Variants in TMEM260 observed in about 807,000 individuals in gnomAD.
The protein encoded by TMEM260 is transmembrane protein 260.
A neutral mutation model predicts 88.9 loss-of-function variants in TMEM260; 82 were observed. That is an observed-to-expected ratio of 0.92 (90% confidence interval 0.77 to 1.11). TMEM260 has a LOEUF of 1.11. TMEM260 is among the 50% of genes least tolerant of loss of function. The pLI is 0.00. For missense variants in TMEM260, 902 were observed against 853.4 expected, an observed-to-expected ratio of 1.06 and a Z score of -0.71; for synonymous variants, 314 against 309.3, an observed-to-expected ratio of 1.02 and a Z score of -0.16.
At chr14:56,636,419 T>TATCA (rs1889080158) in intron 14 of TMEM260, 89 bp from the exon 15 acceptor site, 1 of 977,608 alleles carries the variant, frequency 1.0e-6, no homozygotes, top group Non-Finnish European at 1.6e-6. Context: ...GTACATCCCT[T>TATCA]ATCAGTGGAG....
chr14:56,582,562 G>A (rs780058938), intron 1 of TMEM260, among the ~76,000 whole-genome samples: 22 of 152,134 alleles, frequency 1.4e-4, no homozygotes, highest in Non-Finnish European at 2.6e-4. Context: ...CAACAAAGCC[G>A]TGGTTCTCAG....
intron 7 of TMEM260, chr14:56,615,701 G>T: frequency 2.2e-6 from 1 of 454,556 alleles, no homozygotes; most frequent in Non-Finnish European, 3.9e-6. Context: ...AGAATTATTT[G>T]TTCTGATCCT....
chr14:56,588,780 A>C (rs74052017), intron 3 of TMEM260, among the ~76,000 whole-genome samples: 1 of 152,100 alleles, frequency 6.6e-6, no homozygotes, highest in Admixed American at 6.5e-5. Context: ...AATCTAGTAC[A>C]TTTCATTTAT....
At chr14:56,644,666 C>A (rs1199606711) in intron 15 of TMEM260, among the ~76,000 whole-genome samples, 1 of 152,158 alleles carries the variant, frequency 6.6e-6, no homozygotes, top group African/African-American at 2.4e-5. Context: ...TCTAATTAAA[C>A]TTAAGAGCTT....
intron 1 of TMEM260, among the ~76,000 whole-genome samples, chr14:56,580,526 A>G (rs997799433): frequency 6.6e-6 from 1 of 152,194 alleles, no homozygotes; most frequent in South Asian, 2.1e-4. Context: ...GTGATAAGTT[A>G]TGGAGACAGT....
chr14:56,622,752 A>G lies in TMEM260; in HGVS notation c.1398+1050A>G, dbSNP rs375763988. ...TTAAAAGAATAATATGATGAATTCAATTGAACAAATTATTAGGCATAGTAC... is the reference window on the plus strand; with the variant it reads ...TTAAAAGAATAATATGATGAATTCAGTTGAACAAATTATTAGGCATAGTAC... On this transcript the variant is annotated intron_variant, in intron 11 of 15. Transcript: ENST00000261556. 1.8e-4 allele frequency among the ~76,000 whole-genome samples: 27 copies of G among 152,356 alleles called. No individual in the cohort carries two copies. The East Asian group carries it at 2.7e-3, about 15-fold the overall frequency.
At chr14:56,580,955 C>T (rs1290253837) in intron 1 of TMEM260, among the ~76,000 whole-genome samples, 3 of 152,294 alleles carry the variant, frequency 2.0e-5, no homozygotes, top group East Asian at 3.9e-4. Flanking sequence ...TATCGTCTCC[C>T]GTTTTTGTAA....
At chr14:56,621,183 A>AT (rs1887893904) in intron 10 of TMEM260, among the ~76,000 whole-genome samples, 1 of 152,230 alleles carries the variant, frequency 6.6e-6, no homozygotes, top group Admixed American at 6.5e-5. Context: ...TGAACATAAA[A>AT]TTGCCTTAAA....
At chr14:56,656,595 AAT>A in the TMEM260 span, among the ~76,000 whole-genome samples, 4 of 152,176 alleles carry the variant, frequency 2.6e-5, no homozygotes, top group Admixed American at 2.0e-4. Context: ...TGTTTTCATT[AAT>A]ATGTCAGTAA....
At chr14:56,649,595 T>C (rs145093240), downstream of TMEM260, 343 of 152,930 alleles carry the variant, frequency 2.2e-3, 3 homozygotes, top group African/African-American at 7.8e-3. Flanking sequence ...TATACACAGA[T>C]ATGTGAATAT....
intron 15 of TMEM260, among the ~76,000 whole-genome samples, chr14:56,643,359 G>A (rs1430912146): frequency 4.6e-5 from 7 of 152,190 alleles, no homozygotes; most frequent in South Asian, 2.1e-4. Flanking sequence ...TTCAACATAC[G>A]CAAATCAATC....
At chr14:56,628,837 A>G (rs1227292997) in intron 12 of TMEM260, among the ~76,000 whole-genome samples, 1 of 151,234 alleles carries the variant, frequency 6.6e-6, no homozygotes, top group Non-Finnish European at 1.5e-5. Flanking sequence ...ATAAATATTG[A>G]TATGTTTAGA....
chr14:56,592,765 A>G (rs777188158), intron 3 of TMEM260, among the ~76,000 whole-genome samples: 7 of 152,198 alleles, frequency 4.6e-5, no homozygotes, highest in Non-Finnish European at 2.9e-5. Context: ...TTATTAAACA[A>G]TAACGTTCAG....
intron 11 of TMEM260, among the ~76,000 whole-genome samples, chr14:56,622,991 A>G (rs1888028121): frequency 6.6e-6 from 1 of 152,210 alleles, no homozygotes; most frequent in Non-Finnish European, 1.5e-5. Flanking sequence ...ACTGTTTAGA[A>G]TGTCAGCTCC....
intron 1 of TMEM260, among the ~76,000 whole-genome samples, chr14:56,581,687 C>A (rs182662927): frequency 5.6e-4 from 86 of 152,246 alleles, no homozygotes; most frequent in Non-Finnish European, 9.1e-4. Context: ...CTCCCAGCTA[C>A]CCTTAAAAGT....
intron 12 of TMEM260, among the ~76,000 whole-genome samples, chr14:56,630,042 G>GAA (rs57944362): frequency 0.073 from 9,715 of 133,066 alleles, 391 homozygotes; most frequent in East Asian, 0.17. Flanking sequence ...CCCTATCTCA[G>GAA]AAAAAAAAAA....
At chr14:56,642,209 T>C (rs561727654) in intron 15 of TMEM260, among the ~76,000 whole-genome samples, 133 of 152,326 alleles carry the variant, frequency 8.7e-4, no homozygotes, top group African/African-American at 3.1e-3. Context: ...ATATACATTC[T>C]TCTCAGCACC....
chr14:56,585,163 A>G, intron 2 of TMEM260, 131 bp downstream of exon 2: 1 of 710,722 alleles, frequency 1.4e-6, no homozygotes, highest in South Asian at 2.3e-5. Context: ...TTATAAGTAC[A>G]GTACGTGACA....
intron 5 of TMEM260, among the ~76,000 whole-genome samples, chr14:56,606,013 A>G (rs1886879468): frequency 6.6e-6 from 1 of 152,160 alleles, no homozygotes; most frequent in Non-Finnish European, 1.5e-5. Flanking sequence ...GTGTGCCATC[A>G]TACTTCATTT....
Sources: allele counts gnomAD v4.1 joint callset (sites outside exome capture counted in the v4.1 genomes callset), GRCh38; gene constraint gnomAD v4.1.1; transcripts MANE v1.5; gene names NCBI Gene and HGNC (gene_info 2026-07-23, HGNC 2026-07-21).